The following PTPRD variants were observed in gnomAD, a reference collection of about 807,000 sequenced individuals.
The protein encoded by PTPRD is protein tyrosine phosphatase receptor type D, also known as receptor-type tyrosine-protein phosphatase delta.
A neutral mutation model predicts 214.5 loss-of-function variants in PTPRD; 34 were observed. The ratio of observed to expected loss-of-function variants is 0.16; its 90% CI spans 0.12 to 0.21. The LOEUF (loss-of-function observed/expected upper bound fraction) is 0.21. Ranked by LOEUF, PTPRD falls within the 10% of genes least tolerant of loss-of-function variation. The probability of loss-of-function intolerance (pLI) is 1.00; values close to 1 mark genes in which losing one functional copy is unlikely to be tolerated. For synonymous variants in PTPRD, 1,128 were observed against 845.7 expected, an observed-to-expected ratio of 1.33 and a Z score of -5.79; for missense variants, 2,545 against 2,398.7, an observed-to-expected ratio of 1.06 and a Z score of -1.27.
intron 14 of PTPRD, among the ~76,000 whole-genome samples, chr9:8,589,275 A>T (rs2093915644): frequency 6.6e-6 from 1 of 152,198 alleles, no homozygotes. Context: ...TGCTTCTCAG[A>T]TAAGTACAAA....
intron 8 of PTPRD, among the ~76,000 whole-genome samples, chr9:9,408,023 A>T: frequency 6.6e-6 from 1 of 151,844 alleles, no homozygotes; most frequent in East Asian, 1.9e-4. Flanking sequence ...TAAGTTACCC[A>T]GAAGTACAGC....
chr9:8,945,663 TC>T (rs1241032025), intron 11 of PTPRD, among the ~76,000 whole-genome samples: 1 of 152,126 alleles, frequency 6.6e-6, no homozygotes, highest in African/African-American at 2.4e-5. Flanking sequence ...TACCTCACTG[TC>T]TTTTTCCTGT....
At chr9:9,258,841 C>A (rs932923702) in intron 9 of PTPRD, among the ~76,000 whole-genome samples, 16 of 151,926 alleles carry the variant, frequency 1.1e-4, no homozygotes, top group African/African-American at 3.6e-4. Flanking sequence ...AAAACTATTT[C>A]CAGAATTTTG....
chr9:8,402,437 C>G (rs1304707664), intron 36 of PTPRD, among the ~76,000 whole-genome samples: 1 of 152,008 alleles, frequency 6.6e-6, no homozygotes, highest in Non-Finnish European at 1.5e-5. Context: ...ACAAAGTGAG[C>G]AAAAGTACAG....
At chr9:9,134,197 C>A (rs923862964) in intron 10 of PTPRD, among the ~76,000 whole-genome samples, 1 of 147,844 alleles carries the variant, frequency 6.8e-6, no homozygotes, top group Non-Finnish European at 1.5e-5. Context: ...CTCAGCCTCC[C>A]GAGTAGCTGG....
At chr9:8,872,061 C>A (rs2098310518) in intron 11 of PTPRD, among the ~76,000 whole-genome samples, 1 of 152,178 alleles carries the variant, frequency 6.6e-6, no homozygotes, top group Non-Finnish European at 1.5e-5. Flanking sequence ...GAACAAACAG[C>A]TCAAGACCCC....
chr9:9,984,742 C>A (rs776672477), intron 4 of PTPRD, among the ~76,000 whole-genome samples: 1 of 152,110 alleles, frequency 6.6e-6, no homozygotes, highest in East Asian at 1.9e-4. Context: ...GGGACACAAA[C>A]CTGGGGCAGC....
chr9:9,784,109 T>A (rs1294234662), intron 5 of PTPRD, among the ~76,000 whole-genome samples: 1 of 152,152 alleles, frequency 6.6e-6, no homozygotes, highest in Non-Finnish European at 1.5e-5. Flanking sequence ...AAAGATTTCC[T>A]ATAAGATAAG....
intron 11 of PTPRD, among the ~76,000 whole-genome samples, chr9:8,863,123 C>G (rs1433115078): frequency 1.3e-5 from 2 of 152,156 alleles, no homozygotes; most frequent in Admixed American, 1.3e-4. Flanking sequence ...AAAAGCCATA[C>G]CTCCTCCACT....
At chr9:9,300,550 G>T (rs1954880239) in intron 9 of PTPRD, among the ~76,000 whole-genome samples, 1 of 151,764 alleles carries the variant, frequency 6.6e-6, no homozygotes, top group South Asian at 2.1e-4. Flanking sequence ...GGTAGTAGGA[G>T]GTTGGGCTTC....
intron 11 of PTPRD, among the ~76,000 whole-genome samples, chr9:8,975,827 A>G (rs916142915): frequency 6.6e-6 from 1 of 151,628 alleles, no homozygotes; most frequent in Non-Finnish European, 1.5e-5. Flanking sequence ...CACATCCAAA[A>G]TTGATATTAA....
chr9:9,103,624 A>G (rs1027175738), intron 10 of PTPRD, among the ~76,000 whole-genome samples: 1 of 152,102 alleles, frequency 6.6e-6, no homozygotes, highest in Non-Finnish European at 1.5e-5. Context: ...AGAAAAAAAA[A>G]AATCAAAGAG....
chr9:10,457,493 T>C (rs1418736390), intron 2 of PTPRD, among the ~76,000 whole-genome samples: 1 of 152,042 alleles, frequency 6.6e-6, no homozygotes, highest in African/African-American at 2.4e-5. Context: ...AGCATTCCAT[T>C]TTAAGAATAC....
At chr9:8,974,209 T>G (rs2099255404) in intron 11 of PTPRD, among the ~76,000 whole-genome samples, 2 of 152,122 alleles carry the variant, frequency 1.3e-5, no homozygotes, top group South Asian at 4.1e-4. Context: ...TAACCCATTC[T>G]GAGTTAATTT....
At chr9:8,660,139 T>C (rs2097007961) in intron 12 of PTPRD, among the ~76,000 whole-genome samples, 1 of 152,172 alleles carries the variant, frequency 6.6e-6, no homozygotes. Context: ...CCCACCTCAG[T>C]TTCCCCAAAT....
intron 14 of PTPRD, among the ~76,000 whole-genome samples, chr9:8,619,392 T>C (rs1178711954): frequency 6.6e-6 from 1 of 151,268 alleles, no homozygotes; most frequent in Non-Finnish European, 1.5e-5. Context: ...CATTCTACTC[T>C]CTACTACTGA....
intron 2 of PTPRD, among the ~76,000 whole-genome samples, chr9:10,393,488 G>A (rs898692787): frequency 6.6e-6 from 1 of 151,448 alleles, no homozygotes; most frequent in South Asian, 2.1e-4. Context: ...AAAGAGAAAT[G>A]TATAAAATAG....
chr9:10,053,024 C>T (rs1049379366), intron 3 of PTPRD, among the ~76,000 whole-genome samples: 2 of 152,012 alleles, frequency 1.3e-5, no homozygotes, highest in East Asian at 3.9e-4. Flanking sequence ...GTGCATAATG[C>T]ATATAATGAA....
intron 7 of PTPRD, among the ~76,000 whole-genome samples, chr9:9,688,573 A>G: frequency 6.6e-6 from 1 of 151,928 alleles, no homozygotes; most frequent in East Asian, 1.9e-4. Context: ...CATACAGATA[A>G]AGAAAATATG....
Sources: allele counts gnomAD v4.1 joint callset (sites outside exome capture counted in the v4.1 genomes callset), GRCh38; gene constraint gnomAD v4.1.1; transcripts MANE v1.5; gene names NCBI Gene and HGNC (gene_info 2026-07-23, HGNC 2026-07-21).